Variants in APOC2 observed in about 807,000 individuals in gnomAD.
APOC2 encodes the protein apolipoprotein C-II.
Under a neutral mutation model 10.2 loss-of-function variants are expected in APOC2, and 6 were observed. The observed-to-expected ratio is 0.59, with a 90% confidence interval of 0.32 to 1.16. APOC2 has a LOEUF of 1.16. Ranked by LOEUF, APOC2 falls within the 50% of genes most tolerant of loss-of-function variation. The pLI is 0.05. For synonymous variants in APOC2, 56 were observed against 48.5 expected (o/e 1.15, Z -0.64); for missense variants, 110 against 117.6 (o/e 0.94, Z 0.30).
At chr19:44,946,234 T>TGTGTGTGTGTGTGTGTGTGTGTGTGTGA (rs1236986911) in intron 1 of APOC2, among the ~76,000 whole-genome samples, 159 bp downstream of exon 1, 9 of 132,908 alleles carry the variant, frequency 6.8e-5, no homozygotes, top group African/African-American at 2.7e-4. Context: ...TGTGTGTGTG[T>TGTGTGTGTGTGTGTGTGTGTGTGTGTGA]GAGAGAGAGA....
chr19:44,948,374 A>G (rs908870296), intron 1 of APOC2, 92 bp from the exon 2 acceptor site: 1 of 1,061,586 alleles, frequency 9.4e-7, no homozygotes, highest in Non-Finnish European at 1.5e-6. Flanking sequence ...CACACAGAGC[A>G]GGATCTCAGT....
At position 44,948,789 on chromosome 19, in the gene APOC2, G is replaced by A; in HGVS notation, c.144G>A (p.Trp48Ter). The change falls in exon 3 of 4, where the codon TGG becomes TGA. Residue 48 changes from tryptophan (W) to a stop codon, truncating the protein, a stop_gained. Transcript: ENST00000252490. LOFTEE classifies it high-confidence loss of function. ...TGAAGGAATCTCTCTCCAGTTACTG[G>A]GAGTCAGCAAAGACAGCCGCCCAGA... ...TQVKESLSSY[W>*]ESAKTAAQNL... The A allele has an allele frequency of 6.2e-7, 1 of 1,614,136 alleles. No individual in the cohort carries two copies. The highest frequency in any genetic ancestry group is 8.5e-7 in the Non-Finnish European group (1 of 1,180,028).
rs1970350684 is a variant in APOC2 at position 44,948,750 on chromosome 19, C to T, written c.105C>T (p.Thr35=). The part of the protein sequence containing the change: ...QPQQDEMPSP[T]FLTQVKESLS... ...AGCAAGATGAGATGCCTAGCCCGAC[C>T]TTCCTCACCCAGGTGAAGGAATCTC... The change falls in exon 3 of 4, where the codon ACC becomes ACT. Residue 35 remains threonine (T), a synonymous_variant. Coordinates refer to ENST00000252490, the MANE Select transcript of APOC2 (RefSeq NM_000483.5). 1.2e-6 allele frequency: 2 copies of T among 1,614,090 alleles called. No individual in the cohort carries two copies. The highest frequency in any genetic ancestry group is 2.7e-5 in the African/African-American group (2 of 74,930).
intron 1 of APOC2, chr19:44,948,141 CAGG>C: frequency 3.7e-6 from 1 of 270,344 alleles, no homozygotes; most frequent in Non-Finnish European, 7.3e-6. Context: ...GAGGCTGAGG[CAGG>C]AGAATTGCTT....
Position 44,949,290 on chromosome 19 carries a change from A to G in APOC2, c.*41A>G, listed in dbSNP as rs776109755. The G allele has an allele frequency of 2.7e-6, 4 of 1,507,234 alleles. No homozygotes were observed. Among genetic ancestry groups the G allele is most frequent in the Non-Finnish European group, 3.7e-6 (4 of 1,088,814 alleles). 93.4% of individuals were successfully genotyped at this position (1,507,234 alleles called of 1,614,324 possible). A position where few individuals can be genotyped will look rare whatever the true frequency, so the allele number is the denominator to read the frequency against. On this transcript the variant is annotated 3_prime_UTR_variant, in exon 4 of 4. Coordinates refer to ENST00000252490, the MANE Select transcript of APOC2 (RefSeq NM_000483.5). ...TCAGTGGACAAGGGGAGAGTCCCCTACTCCCCTGATCCCCCAGGTTCAGAC... is the reference window on the plus strand; with the variant it reads ...TCAGTGGACAAGGGGAGAGTCCCCTGCTCCCCTGATCCCCCAGGTTCAGAC...
chr19:44,948,078 G>A (rs555315266), intron 1 of APOC2, among the ~76,000 whole-genome samples: 67 of 149,998 alleles, frequency 4.5e-4, no homozygotes, highest in Admixed American at 1.8e-3. Flanking sequence ...CAAAAAATAC[G>A]AAAACAAAAA....
chr19:44,946,904 C>T (rs529867286), intron 1 of APOC2, among the ~76,000 whole-genome samples: 3 of 152,272 alleles, frequency 2.0e-5, no homozygotes, highest in African/African-American at 4.8e-5. Flanking sequence ...GTAATCCAAA[C>T]GCTTTGGGAG....
At chr19:44,948,188 A>G (rs912723155) in intron 1 of APOC2, 16 of 331,270 alleles carry the variant, frequency 4.8e-5, no homozygotes, top group Admixed American at 8.0e-5. Context: ...GTGAGCCAAG[A>G]TTGCACCACT....
intron 1 of APOC2, among the ~76,000 whole-genome samples, chr19:44,946,812 ACT>A (rs1970326861): frequency 6.6e-6 from 1 of 152,064 alleles, no homozygotes; most frequent in Admixed American, 6.6e-5. Flanking sequence ...ACAGAGCAAG[ACT>A]CAGTCTTGGC....
intron 1 of APOC2, among the ~76,000 whole-genome samples, chr19:44,947,688 C>A (rs1001483991): frequency 6.6e-6 from 1 of 152,280 alleles, no homozygotes; most frequent in East Asian, 1.9e-4. Flanking sequence ...AATTCCAGCA[C>A]TTTGGGAGGC....
chr19:44,948,561 C>A lies in APOC2; in HGVS notation c.55+28C>A, dbSNP rs969677284. 3.7e-6 allele frequency: 6 copies of A among 1,612,186 alleles called. No homozygotes were observed. The Admixed American group carries it at 6.7e-5, about 18-fold the overall frequency. On this transcript the variant is annotated intron_variant, in intron 2 of 3. Transcript: ENST00000252490. ...GAGTGTGGGCTTCCGGGGAGGGAAG[C>A]CTTGGGGAGGGGAATGAGCTCCAAG...
At chr19:44,946,184 AC>A (rs1336546831) in intron 1 of APOC2, 109 bp downstream of exon 1, 1 of 139,130 alleles carries the variant, frequency 7.2e-6, no homozygotes, top group Non-Finnish European at 1.5e-5. Context: ...CCGTGTTGGA[AC>A]CATGACTGTG....
At chr19:44,946,886 T>A (rs1970327718) in intron 1 of APOC2, among the ~76,000 whole-genome samples, 1 of 152,144 alleles carries the variant, frequency 6.6e-6, no homozygotes, top group South Asian at 2.1e-4. Flanking sequence ...GCGTGGTGGC[T>A]TACACTTGTA....
At position 44,946,234 on chromosome 19, in the gene APOC2, T is replaced by TGTGTGTGTGTGAGAGA. The variant is rs1236986911; in HGVS notation, c.-14+160_-14+161insTGTGTGTGTGAGAGAG. On this transcript the variant is annotated intron_variant, in intron 1 of 3. Transcript: ENST00000252490. ...GTGTGTGTGTGTGTGTGTGTGTGTG[T>TGTGTGTGTGTGAGAGA]GAGAGAGAGAGAGAGGGAGATGGAG... 7.2e-4 allele frequency among the ~76,000 whole-genome samples: 96 copies of TGTGTGTGTGTGAGAGA among 132,894 alleles called. 1 individual carries two copies. The highest frequency in any genetic ancestry group is 2.6e-3 in the African/African-American group (87 of 33,704). The allele number at this position is 132,894 out of a possible 152,430, so 87.2% of individuals were successfully genotyped here.
Position 44,949,270 on chromosome 19 carries a change from G to A in APOC2, c.*21G>A, listed in dbSNP as rs375614714. On this transcript the variant is annotated 3_prime_UTR_variant, in exon 4 of 4. Transcript: ENST00000252490. ...AGTAACAGCCAGACCCCCCATCAGT[G>A]GACAAGGGGAGAGTCCCCTACTCCC... 3.1e-6 allele frequency: 5 copies of A among 1,605,022 alleles called. No individual in the cohort carries two copies. Among genetic ancestry groups the A allele is most frequent in the Non-Finnish European group, 4.3e-6 (5 of 1,173,764 alleles).
chr19:44,949,467 C>T lies in APOC2; in HGVS notation c.*218C>T. 1.7e-6 allele frequency: 1 copy of T among 592,014 alleles called. No individual in the cohort carries two copies. Among genetic ancestry groups the T allele is most frequent in the Non-Finnish European group, 3.0e-6 (1 of 329,496 alleles). The allele number at this position is 592,014 out of a possible 1,614,324, so 36.7% of individuals were successfully genotyped here. On this transcript the variant is annotated 3_prime_UTR_variant, in exon 4 of 4. Coordinates refer to ENST00000252490, the MANE Select transcript of APOC2 (RefSeq NM_000483.5). ...AGATGGAGGGGCTGACTCAGTCCAGCCAACATTTAATGAGCACCTACTTTA... is the reference window on the plus strand; with the variant it reads ...AGATGGAGGGGCTGACTCAGTCCAGTCAACATTTAATGAGCACCTACTTTA...
chr19:44,946,592 C>T (rs1383668379), intron 1 of APOC2, among the ~76,000 whole-genome samples: 2 of 151,952 alleles, frequency 1.3e-5, no homozygotes, highest in East Asian at 1.9e-4. Context: ...GAGGCCGAGG[C>T]GGGTGGATCA....
At chr19:44,948,397 A>G in intron 1 of APOC2, 69 bp from the exon 2 acceptor site, 1 of 1,305,198 alleles carries the variant, frequency 7.7e-7, no homozygotes, top group Non-Finnish European at 1.1e-6. Context: ...CCCCCACCAG[A>G]GTGGGGCGTG....
At chr19:44,948,275 A>T (rs1384982748) in intron 1 of APOC2, 191 bp from the exon 2 acceptor site, 23 of 610,832 alleles carry the variant, frequency 3.8e-5, no homozygotes, top group Non-Finnish European at 5.6e-5. Flanking sequence ...TAAAATCAGG[A>T]GTAGAATCAC....
Sources: gnomAD v4.1 joint callset for allele counts (sites outside exome capture counted in the v4.1 genomes callset) on GRCh38, gnomAD v4.1.1 for gene constraint, MANE v1.5 for transcripts, NCBI Gene and HGNC (gene_info 2026-07-23, HGNC 2026-07-21) for gene names.